NTRK2: variants seen among roughly 807,000 people sequenced by gnomAD.
The protein encoded by NTRK2 is BDNF/NT-3 growth factors receptor.
NTRK2 carries 13 observed loss-of-function variants against 94.5 expected under a neutral mutation model. The observed-to-expected ratio is 0.14, with a 90% CI of 0.09 to 0.22. The LOEUF (loss-of-function observed/expected upper bound fraction) is 0.22, where lower values mean the gene tolerates loss of function less well. Among genes scored for constraint, NTRK2 ranks in the 10% least tolerant of loss-of-function variants. The pLI is 1.00. For missense variants in NTRK2, 639 were observed against 1,071.2 expected, an observed-to-expected ratio of 0.60 and a Z score of 5.63; for synonymous variants, 372 against 407.4, an observed-to-expected ratio of 0.91 and a Z score of 1.05.
chr9:84,826,589 G>T (rs554458497), intron 12 of NTRK2, among the ~76,000 whole-genome samples: 5 of 152,178 alleles, frequency 3.3e-5, no homozygotes, highest in African/African-American at 1.2e-4. Flanking sequence ...GGTACAGGAT[G>T]TAGATGCCAA....
At chr9:85,020,446 G>A (rs2117960082) in intron 18 of NTRK2, 82 bp downstream of exon 18, 1 of 1,458,188 alleles carries the variant, frequency 6.9e-7, no homozygotes, top group Non-Finnish European at 9.6e-7. Context: ...TTTTGGGTTG[G>A]AAGACCATGT....
chr9:85,026,576 A>G lies in NTRK2; in HGVS notation c.*5139A>G, dbSNP rs1373187455. ...TTTTAAATATGTAATCCCTTGACAA[A>G]TGACCAAATTATGGTGAACTATTGC... On this transcript the variant is annotated 3_prime_UTR_variant, in exon 19 of 19. Coordinates refer to ENST00000277120, the MANE Select transcript of NTRK2 (RefSeq NM_006180.6). The G allele has an allele frequency of 1.3e-5, 3 of 232,872 alleles. No individual in the cohort carries two copies. Among genetic ancestry groups the G allele is most frequent in the Non-Finnish European group, 2.5e-5 (3 of 117,898 alleles). 14.4% of individuals were successfully genotyped at this position (232,872 alleles called of 1,614,324 possible).
intron 12 of NTRK2, among the ~76,000 whole-genome samples, chr9:84,799,121 G>C (rs2070054850): frequency 6.6e-6 from 1 of 151,860 alleles, no homozygotes; most frequent in Admixed American, 6.6e-5. Context: ...TAGCACAGTG[G>C]CTGTTCTCCA....
rs767304206 is a variant in NTRK2, at chr9:84,955,387, T to C, written c.2042T>C (p.Val681Ala). The change falls in exon 17 of 19, where the codon GTC (valine) becomes GCC (alanine). Residue 681 changes from valine to alanine, a missense_variant. Around this residue, in one of 5 missense-constraint regions of NTRK2, gnomAD observed 343 missense variants for 571.5 expected, o/e 0.60. Transcript: ENST00000277120. ...HIAQQIAAGM[V>A]YLASQHFVHR... Reference sequence around the variant, plus strand: ...GCCCAGCAGATCGCCGCGGGCATGGTCTACCTGGCGTCCCAGCACTTCGTG... The same window carrying C: ...GCCCAGCAGATCGCCGCGGGCATGGCCTACCTGGCGTCCCAGCACTTCGTG... The C allele has an allele frequency of 1.9e-6, 3 of 1,614,028 alleles. No individual in the cohort carries two copies. The South Asian group carries it at 3.3e-5, about 18-fold the overall frequency.
rs189225552 is a variant in NTRK2, at chr9:84,745,001, G to C, written c.1224G>C (p.Gly408=). The change falls in exon 11 of 19, where the codon GGG becomes GGC. Residue 408 remains glycine, a synonymous_variant. Transcript: ENST00000277120. ...EDYGTAANDI[G]DTTNRSNEIP... Reference sequence around the variant, plus strand: ...ATGGAACTGCAGCGAATGACATCGGGGACACCACGAACAGAAGTAATGAAA... The same window carrying C: ...ATGGAACTGCAGCGAATGACATCGGCGACACCACGAACAGAAGTAATGAAA... The C allele has an allele frequency of 6.2e-7, 1 of 1,613,490 alleles. No individual in the cohort carries two copies. Among genetic ancestry groups the C allele is most frequent in the African/African-American group, 1.3e-5 (1 of 74,862 alleles).
intron 9 of NTRK2, among the ~76,000 whole-genome samples, chr9:84,738,992 A>T (rs2063446598): frequency 6.6e-6 from 1 of 152,174 alleles, no homozygotes; most frequent in African/African-American, 2.4e-5. Context: ...GCATGCGCTG[A>T]TATGGGTCAT....
At chr9:84,722,040 A>G (rs552842043) in intron 6 of NTRK2, among the ~76,000 whole-genome samples, 1 of 152,300 alleles carries the variant, frequency 6.6e-6, no homozygotes, top group Non-Finnish European at 1.5e-5. Flanking sequence ...GAGAAAAACA[A>G]CAGACTCATC....
chr9:84,919,910 C>G (rs1376939176), intron 14 of NTRK2, among the ~76,000 whole-genome samples: 1 of 152,232 alleles, frequency 6.6e-6, no homozygotes, highest in East Asian at 1.9e-4. Flanking sequence ...AAAAGGAAAT[C>G]AAAGGGAACA....
At chr9:84,981,939 G>C (rs746729923) in intron 17 of NTRK2, among the ~76,000 whole-genome samples, 1 of 152,168 alleles carries the variant, frequency 6.6e-6, no homozygotes, top group Non-Finnish European at 1.5e-5. Context: ...CCAGCTGATC[G>C]ATTAGTATCA....
At chr9:84,790,784 G>C (rs906632064) in intron 12 of NTRK2, among the ~76,000 whole-genome samples, 2 of 152,198 alleles carry the variant, frequency 1.3e-5, no homozygotes, top group African/African-American at 4.8e-5. Context: ...GTTCAAGATA[G>C]AACCTGGGGA....
At chr9:84,783,227 A>G (rs923265244) in intron 12 of NTRK2, among the ~76,000 whole-genome samples, 3 of 152,180 alleles carry the variant, frequency 2.0e-5, no homozygotes, top group African/African-American at 7.2e-5. Context: ...CTAGGGATTG[A>G]CTTTCCCTTC....
intron 12 of NTRK2, among the ~76,000 whole-genome samples, chr9:84,857,750 TGC>T (rs1384626004): frequency 1.3e-5 from 2 of 152,206 alleles, no homozygotes; most frequent in Non-Finnish European, 2.9e-5. Context: ...CCTTCATTTG[TGC>T]CTATAAGACA....
intron 17 of NTRK2, among the ~76,000 whole-genome samples, chr9:85,004,110 G>A (rs1316652523): frequency 6.6e-6 from 1 of 150,814 alleles, no homozygotes; most frequent in African/African-American, 2.4e-5. Flanking sequence ...GAGGAAGGGA[G>A]GAAGGGAGTG....
chr9:84,784,345 A>G lies in NTRK2; in HGVS notation c.1396+32260A>G, dbSNP rs2067914294. 2.0e-5 allele frequency among the ~76,000 whole-genome samples: 3 copies of G among 152,340 alleles called. No individual in the cohort carries two copies. In the South Asian group the frequency reaches 6.2e-4, roughly 32 times the overall value. ...CATTTCTTCATAGTGGGAATGTTCAATATCTTCCTCCCAGCTATTTGAAAC... is the reference window on the plus strand; with the variant it reads ...CATTTCTTCATAGTGGGAATGTTCAGTATCTTCCTCCCAGCTATTTGAAAC... On this transcript the variant is annotated intron_variant, in intron 12 of 18. Coordinates refer to ENST00000277120, the MANE Select transcript of NTRK2 (RefSeq NM_006180.6).
intron 12 of NTRK2, among the ~76,000 whole-genome samples, chr9:84,774,212 G>A (rs550515786): frequency 6.6e-6 from 1 of 152,192 alleles, no homozygotes; most frequent in Admixed American, 6.5e-5. Flanking sequence ...CAATGGAGGG[G>A]ACTGGACCCA....
At chr9:84,783,790 A>C (rs1032337970) in intron 12 of NTRK2, among the ~76,000 whole-genome samples, 1 of 151,746 alleles carries the variant, frequency 6.6e-6, no homozygotes, top group Admixed American at 6.6e-5. Context: ...ACGGGGGTAG[A>C]GAATTGGGAG....
intron 17 of NTRK2, among the ~76,000 whole-genome samples, chr9:84,962,264 T>C (rs1825031477): frequency 1.3e-5 from 2 of 152,120 alleles, no homozygotes; most frequent in African/African-American, 4.8e-5. Flanking sequence ...TGTCAGTGGA[T>C]GTGCTTCAAA....
At chr9:84,762,192 T>C (rs1305583735) in intron 12 of NTRK2, among the ~76,000 whole-genome samples, 4 of 152,188 alleles carry the variant, frequency 2.6e-5, no homozygotes, top group South Asian at 2.1e-4. Flanking sequence ...CAGTCTTGGG[T>C]ATGTCTTTAT....
intron 14 of NTRK2, chr9:84,877,280 A>G (rs2132167333): frequency 9.4e-7 from 1 of 1,065,890 alleles, no homozygotes; most frequent in Non-Finnish European, 1.1e-6. Flanking sequence ...CATGTCATTG[A>G]GGGCCTTTGT....
Sources: allele counts gnomAD v4.1 joint callset (sites outside exome capture counted in the v4.1 genomes callset), GRCh38; gene constraint gnomAD v4.1.1; regional missense constraint gnomAD v4.1.1; transcripts MANE v1.5; gene names NCBI Gene and HGNC (gene_info 2026-07-23, HGNC 2026-07-21).